Variants in CADPS observed in about 807,000 individuals in gnomAD.
CADPS encodes calcium-dependent secretion activator 1.
A neutral mutation model predicts 167.3 loss-of-function variants in CADPS; 57 were observed. That is an observed-to-expected ratio of 0.34 (90% CI 0.28 to 0.42). CADPS has a LOEUF of 0.42. CADPS is among the 20% of genes least tolerant of loss of function. The pLI, the probability that CADPS is intolerant of heterozygous loss-of-function variation, is 1.00. For synonymous variants in CADPS, 676 were observed against 635.3 expected (o/e 1.06, Z -0.96); for missense variants, 1,414 against 1,738.1 (o/e 0.81, Z 3.32).
At chr3:62,865,736 A>G (rs1396850616) in intron 1 of CADPS, among the ~76,000 whole-genome samples, 1 of 152,154 alleles carries the variant, frequency 6.6e-6, no homozygotes, top group Non-Finnish European at 1.5e-5. Context: ...TCTACATAGC[A>G]TATTCTTATT....
chr3:62,526,411 A>G (rs2072238339), intron 13 of CADPS, among the ~76,000 whole-genome samples: 3 of 152,222 alleles, frequency 2.0e-5, no homozygotes, highest in Admixed American at 2.0e-4. Context: ...CAGCACTGGC[A>G]TTCAAGAAAT....
chr3:62,673,448 A>C (rs918603311), intron 3 of CADPS, among the ~76,000 whole-genome samples: 1 of 152,198 alleles, frequency 6.6e-6, no homozygotes, highest in African/African-American at 2.4e-5. Flanking sequence ...TAGAGGTGTG[A>C]ACCAATTAAA....
chr3:62,474,031 T>C, intron 24 of CADPS, 142 bp downstream of exon 24: 1 of 570,224 alleles, frequency 1.8e-6, no homozygotes, highest in Non-Finnish European at 3.0e-6. Context: ...TACTGAACAC[T>C]CATCCATGGC....
chr3:62,814,606 C>G (rs1264800406), intron 1 of CADPS: 1 of 152,136 alleles, frequency 6.6e-6, no homozygotes, highest in African/African-American at 2.4e-5. Context: ...TTCCACACCT[C>G]TAATTCAATC....
chr3:62,516,711 G>C, intron 14 of CADPS, 68 bp from the exon 15 acceptor site: 1 of 1,100,892 alleles, frequency 9.1e-7, no homozygotes. Context: ...GCTGCAATTT[G>C]ATTCCTATAG....
intron 8 of CADPS, among the ~76,000 whole-genome samples, chr3:62,571,734 T>C (rs987544332): frequency 3.9e-5 from 6 of 152,088 alleles, no homozygotes; most frequent in Admixed American, 1.3e-4. Context: ...TTGGCTAATT[T>C]TGTATTTTTG....
At chr3:62,526,285 C>T (rs1375311433) in intron 13 of CADPS, among the ~76,000 whole-genome samples, 1 of 152,154 alleles carries the variant, frequency 6.6e-6, no homozygotes, top group Non-Finnish European at 1.5e-5. Context: ...TTCATACCCT[C>T]TTACATCTGC....
intron 9 of CADPS, among the ~76,000 whole-genome samples, chr3:62,569,483 C>T (rs548726334): frequency 1.3e-5 from 2 of 152,286 alleles, no homozygotes; most frequent in East Asian, 3.9e-4. Context: ...TTCTACCCTA[C>T]AACAATACTG....
chr3:62,669,787 C>T (rs1018018172), intron 3 of CADPS, among the ~76,000 whole-genome samples: 1 of 152,150 alleles, frequency 6.6e-6, no homozygotes, highest in African/African-American at 2.4e-5. Context: ...ATGCATATGA[C>T]AATTAGCAAA....
At position 62,455,720 on chromosome 3, in the gene CADPS, TAAG is replaced by T. The variant is rs764214125; in HGVS notation, c.3636+9644_3636+9646del. Among the ~76,000 whole-genome samples, 3 of 152,180 alleles carry T rather than the reference TAAG, an allele frequency of 2.0e-5. No homozygotes were observed. Among genetic ancestry groups the T allele is most frequent in the Non-Finnish European group, 4.4e-5 (3 of 68,028 alleles). On this transcript the variant is annotated intron_variant, in intron 26 of 29. Coordinates refer to ENST00000383710, the MANE Select transcript of CADPS (RefSeq NM_003716.4). This position sits in a 1 kb window ranked among gnomAD's most constrained non-coding sequence, Gnocchi z 4.4. ...TTGCCTTTTGAACATCTCTCAACAC[TAAG>T]AAGGGTGACAGAATGCAAGCTTGAA...
chr3:62,647,870 G>A (rs1045194652), intron 5 of CADPS, among the ~76,000 whole-genome samples: 1 of 152,152 alleles, frequency 6.6e-6, no homozygotes, highest in African/African-American at 2.4e-5. Flanking sequence ...GATTCACTGT[G>A]TTATGATGAA....
At chr3:62,655,483 A>G (rs1289981980) in intron 4 of CADPS, among the ~76,000 whole-genome samples, 2 of 152,154 alleles carry the variant, frequency 1.3e-5, no homozygotes, top group Non-Finnish European at 2.9e-5. Flanking sequence ...CTCAGTGGAG[A>G]CAGCCTCCCA....
intron 1 of CADPS, among the ~76,000 whole-genome samples, chr3:62,766,226 T>C: frequency 6.6e-6 from 1 of 152,160 alleles, no homozygotes; most frequent in East Asian, 1.9e-4. Context: ...ATACTTAAAA[T>C]TCATTGCCTC....
intron 1 of CADPS, among the ~76,000 whole-genome samples, chr3:62,827,984 T>C (rs1185594623): frequency 6.6e-6 from 1 of 152,118 alleles, no homozygotes; most frequent in Non-Finnish European, 1.5e-5. Context: ...AGAAGGCAAA[T>C]AAATTGCCTA....
chr3:62,734,803 C>T (rs1261044834), intron 3 of CADPS, among the ~76,000 whole-genome samples: 1 of 152,136 alleles, frequency 6.6e-6, no homozygotes, highest in Admixed American at 6.6e-5. Context: ...GCTCATTTCT[C>T]TTGGGTATTT....
At chr3:62,500,671 C>G (rs1255079558) in intron 17 of CADPS, 1 of 152,172 alleles carries the variant, frequency 6.6e-6, no homozygotes, top group Admixed American at 6.5e-5. Context: ...ATCTCTTCAT[C>G]TGAAACAGGT....
chr3:62,468,562 G>A (rs945298721), intron 24 of CADPS, among the ~76,000 whole-genome samples: 19 of 152,112 alleles, frequency 1.2e-4, no homozygotes, highest in Non-Finnish European at 2.8e-4. Flanking sequence ...TTCTCTTCAG[G>A]AGCTAGAAAC....
chr3:62,674,176 C>T (rs1177325917), intron 3 of CADPS, among the ~76,000 whole-genome samples: 1 of 152,056 alleles, frequency 6.6e-6, no homozygotes, highest in Non-Finnish European at 1.5e-5. Context: ...TAAGAAAGCT[C>T]AAGTAGTAAA....
chr3:62,516,988 T>C (rs2069149765), intron 14 of CADPS, among the ~76,000 whole-genome samples: 2 of 152,032 alleles, frequency 1.3e-5, no homozygotes, highest in Admixed American at 1.3e-4. Flanking sequence ...GTTAAAAAAG[T>C]ATTAGTTGGA....
Sources: gnomAD v4.1 joint callset for allele counts (sites outside exome capture counted in the v4.1 genomes callset) on GRCh38, gnomAD v4.1.1 for gene constraint, Gnocchi (gnomAD v3.1) non-coding constraint, MANE v1.5 for transcripts, NCBI Gene and HGNC (gene_info 2026-07-23, HGNC 2026-07-21) for gene names.